Variants in NEGR1 observed in about 807,000 individuals in gnomAD.
The protein encoded by NEGR1 is neuronal growth regulator 1.
NEGR1 carries 10 observed loss-of-function variants against 40.9 expected under a neutral mutation model. That is an observed-to-expected ratio of 0.24 (90% CI 0.15 to 0.42). The LOEUF is 0.42. Ranked by LOEUF, NEGR1 falls within the 10% of genes least tolerant of loss-of-function variation. The pLI, the probability that NEGR1 is intolerant of heterozygous loss-of-function variation, is 1.00. For missense variants in NEGR1, 352 were observed against 438.9 expected (o/e 0.80, Z 1.77); for synonymous variants, 185 against 166.8 (o/e 1.11, Z -0.84).
chr1:71,445,719 G>A (rs773007695), intron 6 of NEGR1, among the ~76,000 whole-genome samples: 8 of 152,148 alleles, frequency 5.3e-5, no homozygotes, highest in Non-Finnish European at 8.8e-5. Flanking sequence ...CCCAATATGC[G>A]TCTTCTTACG....
At chr1:71,789,152 C>T (rs1418150644) in intron 2 of NEGR1, among the ~76,000 whole-genome samples, 1 of 152,090 alleles carries the variant, frequency 6.6e-6, no homozygotes, top group East Asian at 1.9e-4. Flanking sequence ...GATGAGGACC[C>T]TATCACAGAC....
At position 71,672,489 on chromosome 1, in the gene NEGR1, AT is replaced by A. The variant is rs1420773176; in HGVS notation, c.667+25518del. Among the ~76,000 whole-genome samples the A allele has an allele frequency of 2.0e-5, 3 of 152,184 alleles. No homozygotes were observed. In the East Asian group the frequency reaches 5.8e-4, roughly 29 times the overall value. On this transcript the variant is annotated intron_variant, in intron 4 of 6. Coordinates refer to ENST00000357731, the MANE Select transcript of NEGR1 (RefSeq NM_173808.3). The stretch of plus-strand genomic sequence containing the variant: ...TGTATATCCAGATCCTGGCAGAGTG[AT>A]ATATTATAAATCCTTAATAAATATT...
rs562624007 is a variant in NEGR1 at position 71,666,255 on chromosome 1, C to T, written c.667+31753G>A. Among the ~76,000 whole-genome samples, 160 of 152,128 alleles carry T rather than the reference C, an allele frequency of 1.1e-3. 1 individual carries two copies. Among genetic ancestry groups the T allele is most frequent in the African/African-American group, 3.8e-3 (157 of 41,496 alleles). ...TTCTATTACGAAAATAGTTAAAATG[C>T]TTTTTTAGGATTTTCAAGACCACTC... On this transcript the variant is annotated intron_variant, in intron 4 of 6. Coordinates refer to ENST00000357731, the MANE Select transcript of NEGR1 (RefSeq NM_173808.3).
chr1:71,399,763 G>A lies in NEGR1; in HGVS notation c.*7683C>T, dbSNP rs1646235208. The A allele has an allele frequency of 1.3e-5, 2 of 152,196 alleles. No individual in the cohort carries two copies. Among genetic ancestry groups the A allele is most frequent in the African/African-American group, 4.8e-5 (2 of 41,448 alleles). The allele number at this position is 152,196 out of a possible 1,614,324, so 9.4% of individuals were successfully genotyped here. A position where few individuals can be genotyped will look rare whatever the true frequency, so the allele number is the denominator to read the frequency against. On this transcript the variant is annotated 3_prime_UTR_variant, in exon 7 of 7. Transcript: ENST00000357731. The stretch of plus-strand genomic sequence containing the variant: ...TGAACACATTTTTGCCAGGTCACTT[G>A]TCAAGTACTTGGTAGGGAGATGTCA...
At chr1:71,790,088 G>T (rs530138570) in intron 2 of NEGR1, among the ~76,000 whole-genome samples, 28 of 152,212 alleles carry the variant, frequency 1.8e-4, no homozygotes, top group Admixed American at 3.9e-4. Context: ...TACGAAGAAA[G>T]AAAATTCTAT....
At chr1:72,234,390 A>G (rs1316316397) in intron 1 of NEGR1, among the ~76,000 whole-genome samples, 1 of 152,126 alleles carries the variant, frequency 6.6e-6, no homozygotes, top group Non-Finnish European at 1.5e-5. Context: ...CAGATGCCAA[A>G]AGCAATTGCA....
At chr1:71,828,841 TTA>T (rs1268252038) in intron 2 of NEGR1, among the ~76,000 whole-genome samples, 1 of 151,976 alleles carries the variant, frequency 6.6e-6, no homozygotes, top group Non-Finnish European at 1.5e-5. Context: ...AAGGTTTGGC[TTA>T]TGTTTTCCTC....
intron 1 of NEGR1, among the ~76,000 whole-genome samples, chr1:72,198,168 C>A (rs1444372799): frequency 6.6e-6 from 1 of 151,906 alleles, no homozygotes; most frequent in Non-Finnish European, 1.5e-5. Context: ...AAATAAATAC[C>A]ATATTTCTAG....
chr1:71,803,164 C>T (rs779839238), intron 2 of NEGR1, among the ~76,000 whole-genome samples: 1 of 151,974 alleles, frequency 6.6e-6, no homozygotes, highest in Admixed American at 6.6e-5. Flanking sequence ...TCTTGGTTGG[C>T]CCCTAATCTA....
intron 1 of NEGR1, among the ~76,000 whole-genome samples, chr1:72,124,709 G>A (rs1470242685): frequency 1.3e-5 from 2 of 152,058 alleles, no homozygotes; most frequent in African/African-American, 4.8e-5. Flanking sequence ...AATTGCAGGT[G>A]TTGGCTGTTC....
At chr1:71,491,097 A>G (rs1646924670) in intron 6 of NEGR1, among the ~76,000 whole-genome samples, 1 of 151,982 alleles carries the variant, frequency 6.6e-6, no homozygotes, top group African/African-American at 2.4e-5. Flanking sequence ...AGAATTAACC[A>G]CCTACAGATC....
intron 1 of NEGR1, among the ~76,000 whole-genome samples, chr1:71,967,004 A>T (rs928879120): frequency 6.6e-6 from 1 of 152,152 alleles, no homozygotes; most frequent in Non-Finnish European, 1.5e-5. Context: ...AAATCTAGGC[A>T]CAACCAGCTG....
At chr1:72,182,773 C>CGT (rs1308849098) in intron 1 of NEGR1, among the ~76,000 whole-genome samples, 1 of 65,576 alleles carries the variant, frequency 1.5e-5, no homozygotes, top group East Asian at 5.1e-4. Context: ...TCTGTGTGTG[C>CGT]GTGTGTATAT....
chr1:71,984,647 CAT>C (rs1646380009), intron 1 of NEGR1, among the ~76,000 whole-genome samples: 1 of 152,074 alleles, frequency 6.6e-6, no homozygotes, highest in South Asian at 2.1e-4. Context: ...AGTCTTATCT[CAT>C]ATAGTTGTAG....
chr1:71,984,503 G>A (rs1399999603), intron 1 of NEGR1, among the ~76,000 whole-genome samples: 1 of 151,930 alleles, frequency 6.6e-6, no homozygotes, highest in East Asian at 1.9e-4. Flanking sequence ...AAATTATAGA[G>A]AAAAACAATA....
At chr1:72,261,868 A>G (rs1655469274) in intron 1 of NEGR1, among the ~76,000 whole-genome samples, 1 of 152,038 alleles carries the variant, frequency 6.6e-6, no homozygotes, top group Non-Finnish European at 1.5e-5. Context: ...CAAAAGGTGT[A>G]AGGGTAGGAC....
At chr1:71,434,885 A>C (rs910290019) in intron 6 of NEGR1, among the ~76,000 whole-genome samples, 5 of 152,114 alleles carry the variant, frequency 3.3e-5, no homozygotes, top group African/African-American at 4.8e-5. Flanking sequence ...AGGTCAGGAG[A>C]TCAAGACCAT....
At chr1:72,239,670 T>C (rs1654672240) in intron 1 of NEGR1, among the ~76,000 whole-genome samples, 1 of 151,640 alleles carries the variant, frequency 6.6e-6, no homozygotes, top group Admixed American at 6.6e-5. Flanking sequence ...ACCATTTAAA[T>C]TAAGGATAGT....
chr1:71,617,372 G>A (rs1294415785), intron 4 of NEGR1, among the ~76,000 whole-genome samples: 1 of 152,222 alleles, frequency 6.6e-6, no homozygotes, highest in Non-Finnish European at 1.5e-5. Context: ...CACAATCTAG[G>A]TTGATGAATC....
Sources: allele counts gnomAD v4.1 joint callset (sites outside exome capture counted in the v4.1 genomes callset), GRCh38; gene constraint gnomAD v4.1.1; transcripts MANE v1.5; gene names NCBI Gene and HGNC (gene_info 2026-07-23, HGNC 2026-07-21).